ARHGAP45: variants seen among roughly 807,000 people sequenced by gnomAD.
ARHGAP45 encodes the protein rho GTPase-activating protein 45.
ARHGAP45 carries 56 observed loss-of-function variants against 116.1 expected under a neutral mutation model. The ratio of observed to expected loss-of-function variants is 0.48; its 90% CI spans 0.39 to 0.60. ARHGAP45 has a LOEUF of 0.60. ARHGAP45 is among the 20% of genes least tolerant of loss of function. The pLI is 0.00. For synonymous variants in ARHGAP45, 866 were observed against 701.7 expected, an observed-to-expected ratio of 1.23 and a Z score of -3.70; for missense variants, 1,622 against 1,601.0, an observed-to-expected ratio of 1.01 and a Z score of -0.22.
Position 1,086,104 on chromosome 19 carries a change from C to G in ARHGAP45, c.*98C>G. ...CACGGCATAGCTTAGGTGCGCCGTC[C>G]TGGGGTCGCTGCCGAGAGCGCCTGG... On this transcript the variant is annotated 3_prime_UTR_variant, in exon 23 of 23. Transcript: ENST00000313093. 8.8e-7 allele frequency: 1 copy of G among 1,141,790 alleles called. No homozygotes were observed. Among genetic ancestry groups the G allele is most frequent in the Non-Finnish European group, 1.2e-6 (1 of 805,426 alleles). The allele number at this position is 1,141,790 out of a possible 1,614,324, so 70.7% of individuals were successfully genotyped here.
chr19:1,084,957 C>T (rs1340316676), intron 22 of ARHGAP45, among the ~76,000 whole-genome samples: 1 of 152,140 alleles, frequency 6.6e-6, no homozygotes, highest in African/African-American at 2.4e-5. Flanking sequence ...TGGAGGGCAC[C>T]TGTAATCCCA....
At chr19:1,083,817 C>G (rs1158613960) in intron 21 of ARHGAP45, among the ~76,000 whole-genome samples, 1 of 152,192 alleles carries the variant, frequency 6.6e-6, no homozygotes, top group East Asian at 1.9e-4. Flanking sequence ...CTCAGCCCAC[C>G]ACAACCTCCG....
Position 1,079,717 on chromosome 19 carries a change from G to A in ARHGAP45, c.1389G>A (p.Met463Ile). 6.2e-7 allele frequency: 1 copy of A among 1,612,594 alleles called. No individual in the cohort carries two copies. The highest frequency in any genetic ancestry group is 8.5e-7 in the Non-Finnish European group (1 of 1,179,760). Residue 463 changes from methionine to isoleucine, a missense_variant, in exon 12 of 23, where the codon ATG becomes ATA. Met to Ile is a conservative substitution (Grantham distance 10). This residue lies in a region of ARHGAP45 where 1,334 missense variants were observed against 1,263.8 expected (regional missense o/e 1.06). Transcript: ENST00000313093. ...EEAKNKAEEAMATYRTCVADA... is the reference protein window; with the variant it reads ...EEAKNKAEEAIATYRTCVADA... The stretch of plus-strand genomic sequence containing the variant: ...CCCCACCGCAGGCGGAGGAAGCTAT[G>A]GCCACCTACCGCACCTGCGTGGCCG...
chr19:1,071,252 C>A lies in ARHGAP45; in HGVS notation c.422-1897C>A. The A allele has an allele frequency of 6.8e-7, 1 of 1,479,782 alleles. No homozygotes were observed. Among genetic ancestry groups the A allele is most frequent in the Non-Finnish European group, 8.9e-7 (1 of 1,119,418 alleles). The allele number at this position is 1,479,782 out of a possible 1,614,324, so 91.7% of individuals were successfully genotyped here. Reference sequence around the variant, plus strand: ...CCCCCATCGGTCAGCTGCCAGGCCCCACGCGCTCGCGGTCTCCGCGCCCCG... The same window carrying A: ...CCCCCATCGGTCAGCTGCCAGGCCCAACGCGCTCGCGGTCTCCGCGCCCCG... On this transcript the variant is annotated intron_variant, in intron 2 of 22. Transcript: ENST00000313093. This position sits in a 1 kb window ranked among gnomAD's most constrained non-coding sequence, Gnocchi z 4.6.
chr19:1,066,037 G>A (rs908877510), upstream of ARHGAP45: 1 of 1,535,596 alleles, frequency 6.5e-7, no homozygotes, highest in Non-Finnish European at 8.7e-7. Context: ...TGAGTCGGGG[G>A]CAAAGAGTTC....
Position 1,074,862 on chromosome 19 carries a change from C to T in ARHGAP45, c.1168C>T (p.Arg390Cys), listed in dbSNP as rs1466926737. Residue 390 changes from arginine to cysteine, a missense_variant, in exon 10 of 23, where the codon CGT becomes TGT. By Grantham distance (180) the Arg-to-Cys change is radical (BLOSUM62 -3). Transcript: ENST00000313093. ...GAAGGAGATCAAGGAGGCCTGGCAC[C>T]GTGCCCAGAGGAAGCTGGTGAGGCG... ...RRKEIKEAWH[R>C]AQRKLQEAES... is the part of the protein sequence containing the mutation. 1 of 1,155,408 alleles carries T rather than the reference C, an allele frequency of 8.7e-7. No homozygotes were observed. Among genetic ancestry groups the T allele is most frequent in the Non-Finnish European group, 1.2e-6 (1 of 865,858 alleles). 71.6% of individuals were successfully genotyped at this position (1,155,408 alleles called of 1,614,324 possible).
rs1789465270 is a variant in ARHGAP45, at chr19:1,080,267, G to A, written c.1716G>A (p.Met572Ile). ...TTTCTTCCACTAGGTCCCCCGTCAT[G>A]CGTGCCCGGAAGAGCAGCTTCAACG... ...HVSANAWSPV[M>I]RARKSSFNVS... The change falls in exon 14 of 23, where the codon ATG (methionine) becomes ATA (isoleucine). Residue 572 changes from methionine to isoleucine, a missense_variant. Physicochemically the swap from Met to Ile is conservative, Grantham distance 10. Transcript: ENST00000313093. 1.9e-6 allele frequency: 3 copies of A among 1,612,538 alleles called. No individual in the cohort carries two copies. The highest frequency in any genetic ancestry group is 3.3e-5 in the Admixed American group (2 of 59,930).
At chr19:1,070,329 C>CTTTTTTT (rs1172163710) in intron 2 of ARHGAP45, among the ~76,000 whole-genome samples, 28 of 93,290 alleles carry the variant, frequency 3.0e-4, no homozygotes, top group East Asian at 6.0e-4. Context: ...CTTTTCTTTT[C>CTTTTTTT]TTTTTTTTTT....
At position 1,084,451 on chromosome 19, in the gene ARHGAP45, C is replaced by A. The variant is rs562699921; in HGVS notation, c.3064+105C>A. On this transcript the variant is annotated intron_variant, in intron 22 of 22. Transcript: ENST00000313093. ...TACACACGTGGCAGGGTCCACGGTGCTGCACATTCTGTGGATTTCGTCTGC... is the reference window on the plus strand; with the variant it reads ...TACACACGTGGCAGGGTCCACGGTGATGCACATTCTGTGGATTTCGTCTGC... The A allele has an allele frequency of 3.0e-5, 25 of 827,814 alleles. No homozygotes were observed. In the South Asian group the frequency reaches 3.7e-4, roughly 12 times the overall value. 51.3% of individuals were successfully genotyped at this position (827,814 alleles called of 1,614,324 possible). A position where few individuals can be genotyped will look rare whatever the true frequency, so the allele number is the denominator to read the frequency against.
intron 2 of ARHGAP45, among the ~76,000 whole-genome samples, chr19:1,072,276 T>C (rs963078808): frequency 2.0e-5 from 3 of 152,066 alleles, no homozygotes; most frequent in Non-Finnish European, 4.4e-5. Context: ...GCCAGGATGG[T>C]CTCAAACTCC....
At chr19:1,082,803 G>C (rs1292120652) in intron 19 of ARHGAP45, 37 bp from the exon 20 acceptor site, 22 of 1,451,016 alleles carry the variant, frequency 1.5e-5, no homozygotes, top group Non-Finnish European at 1.9e-5. Flanking sequence ...GGCTGGGCCA[G>C]GCCCACCAAC....
chr19:1,077,726 C>A (rs1248556680), intron 10 of ARHGAP45, 131 bp from the exon 11 acceptor site: 13 of 1,519,634 alleles, frequency 8.6e-6, no homozygotes, highest in Middle Eastern at 1.7e-4. Flanking sequence ...GTGCAGGGTC[C>A]TCTGCATGCC....
intron 10 of ARHGAP45, 151 bp downstream of exon 10, chr19:1,075,030 C>T: frequency 2.1e-6 from 1 of 485,942 alleles, no homozygotes; most frequent in Non-Finnish European, 3.0e-6. Flanking sequence ...CTGGGCCGCC[C>T]CCCCCAACGC....
chr19:1,074,403 A>C lies in ARHGAP45; in HGVS notation c.989A>C (p.Gln330Pro). 6.4e-7 allele frequency: 1 copy of C among 1,563,184 alleles called. No individual in the cohort carries two copies. Among genetic ancestry groups the C allele is most frequent in the East Asian group, 2.3e-5 (1 of 43,586 alleles). ...IAHNCRQSVM[Q>P]EPHMPLLSIY... ...CACAACTGCAGACAGAGCGTCATGC[A>C]GGAGGTGGGGGCCCCGCGGGCACGG... Residue 330 changes from glutamine to proline, a missense_variant, in exon 8 of 23, where the codon CAG becomes CCG. Around this residue, in one of 3 missense-constraint regions of ARHGAP45, gnomAD observed 1,334 missense variants for 1,263.8 expected, o/e 1.06. Coordinates refer to ENST00000313093, the MANE Select transcript of ARHGAP45 (RefSeq NM_012292.5).
Position 1,069,199 on chromosome 19 carries a change from G to C in ARHGAP45, c.421+455G>C, listed in dbSNP as rs145971107. ...CTTGGAATGAAGCAAACTGGGGGTT[G>C]GCTGAGGTCTGGGTGGAGAGAGATT... On this transcript the variant is annotated intron_variant, in intron 2 of 22. Coordinates refer to ENST00000313093, the MANE Select transcript of ARHGAP45 (RefSeq NM_012292.5). The surrounding 1 kb of genome is among the most constrained non-coding windows in gnomAD (Gnocchi z 4.1). 6.6e-6 allele frequency among the ~76,000 whole-genome samples: 1 copy of C among 152,236 alleles called. No individual in the cohort carries two copies. The highest frequency in any genetic ancestry group is 2.4e-5 in the African/African-American group (1 of 41,528).
intron 5 of ARHGAP45, 75 bp from the exon 6 acceptor site, chr19:1,073,873 C>T: frequency 6.5e-7 from 1 of 1,526,780 alleles, no homozygotes; most frequent in Non-Finnish European, 8.8e-7. Flanking sequence ...GGGGAGGCAG[C>T]AACCGTCCCC....
rs1445483483 is a variant in ARHGAP45 at position 1,082,365 on chromosome 19, G to A, written c.2517+404G>A. Among the ~76,000 whole-genome samples, 12 of 151,618 alleles carry A rather than the reference G, an allele frequency of 7.9e-5. 1 individual carries two copies. In the East Asian group the frequency reaches 2.3e-3, roughly 29 times the overall value. On this transcript the variant is annotated intron_variant, in intron 19 of 22. Transcript: ENST00000313093. ...GGCAGGGACCCGTATGAGGCTAGGG[G>A]CGGGGCTGAGGCTAGACAAGTGCGG...
chr19:1,074,149 A>AG lies in ARHGAP45; in HGVS notation c.842dup (p.Val282ArgfsTer95). 1 of 1,613,314 alleles carries AG rather than the reference A, an allele frequency of 6.2e-7. No homozygotes were observed. On this transcript the variant is annotated frameshift_variant, in exon 7 of 23. Transcript: ENST00000313093. LOFTEE classifies it high-confidence loss of function. ...GTGGACGTGCTGCTACAGCGCTGTG[A>AG]GGGGGGCGTGGATGCCGCACTGCTG...
Position 1,085,993 on chromosome 19 carries a change from C to T in ARHGAP45, c.3398C>T (p.Pro1133Leu), listed in dbSNP as rs374187849. The T allele has an allele frequency of 5.1e-5, 82 of 1,611,890 alleles. No individual in the cohort carries two copies. The highest frequency in any genetic ancestry group is 1.6e-4 in the Middle Eastern group (1 of 6,080). Reference protein sequence around the residue: ...MTLGSCRERQPEFV With the variant: ...MTLGSCRERQLEFV The stretch of plus-strand genomic sequence containing the variant: ...CTGGGCTCCTGCAGGGAAAGGCAGC[C>T]GGAATTCGTGTGAGCTGGGGTGGGG... The change falls in exon 23 of 23, where the codon CCG becomes CTG. Residue 1133 changes from proline to leucine, a missense_variant. Physicochemically the swap from Pro to Leu is moderately conservative, Grantham distance 98 (BLOSUM62 -3). Around this residue, in one of 3 missense-constraint regions of ARHGAP45, gnomAD observed 1,334 missense variants for 1,263.8 expected, o/e 1.06. Transcript: ENST00000313093.
Sources: allele counts gnomAD v4.1 joint callset (sites outside exome capture counted in the v4.1 genomes callset), GRCh38; gene constraint gnomAD v4.1.1; regional missense constraint gnomAD v4.1.1; non-coding constraint Gnocchi (gnomAD v3.1); transcripts MANE v1.5; gene names NCBI Gene and HGNC (gene_info 2026-07-23, HGNC 2026-07-21).